The following RBFOX1 variants were observed in gnomAD, a reference collection of about 807,000 sequenced individuals.
The protein encoded by RBFOX1 is RNA binding protein fox-1 homolog 1.
Under a neutral mutation model 57.7 loss-of-function variants are expected in RBFOX1, and 8 were observed. The observed-to-expected ratio is 0.14, with a 90% CI of 0.08 to 0.25. The LOEUF is 0.25. Among genes scored for constraint, RBFOX1 ranks in the 10% least tolerant of loss-of-function variants. The probability of loss-of-function intolerance (pLI) is 1.00; values close to 1 mark genes in which losing one functional copy is unlikely to be tolerated. For missense variants in RBFOX1, 611 were observed against 548.5 expected, an observed-to-expected ratio of 1.11 and a Z score of -1.14; for synonymous variants, 326 against 222.4, an observed-to-expected ratio of 1.47 and a Z score of -4.15.
At chr16:5,241,015 T>TA (rs900079549) in intron 1 of RBFOX1, among the ~76,000 whole-genome samples, 8 of 152,230 alleles carry the variant, frequency 5.3e-5, no homozygotes, top group African/African-American at 9.6e-5. Flanking sequence ...CAAATGTTTT[T>TA]ATGTTTGACC....
At chr16:6,743,145 C>A (rs1317107562) in intron 3 of RBFOX1, among the ~76,000 whole-genome samples, 2 of 152,094 alleles carry the variant, frequency 1.3e-5, no homozygotes, top group Non-Finnish European at 2.9e-5. Context: ...TATAGTGTTA[C>A]TGTAAACCCT....
At position 5,335,861 on chromosome 16, in the gene RBFOX1, C is replaced by G. The variant is rs535597033; in HGVS notation, c.219+95756C>G. Among the ~76,000 whole-genome samples, 9 of 152,218 alleles carry G rather than the reference C, an allele frequency of 5.9e-5. No homozygotes were observed. In the South Asian group the frequency reaches 6.2e-4, roughly 11 times the overall value. ...AAAAGATGTTCTCAGACTGCCGACT[C>G]TTTGGGGGTGGTGATCATGGTGATG... On this transcript the variant is annotated intron_variant, in intron 1 of 2. Coordinates refer to the RBFOX1 transcript ENST00000585867.
intron 10 of RBFOX1, among the ~76,000 whole-genome samples, chr16:7,616,436 G>A (rs932348796): frequency 2.0e-5 from 3 of 152,238 alleles, no homozygotes; most frequent in African/African-American, 7.2e-5. Context: ...CTGCATGACT[G>A]ACCAACTCTC....
chr16:6,729,302 T>C (rs1389594609), intron 3 of RBFOX1, among the ~76,000 whole-genome samples: 1 of 152,158 alleles, frequency 6.6e-6, no homozygotes, highest in Non-Finnish European at 1.5e-5. Context: ...GTTTAGAAGC[T>C]CCTCAGTTGA....
intron 5 of RBFOX1, among the ~76,000 whole-genome samples, chr16:7,569,772 G>T (rs530120143): frequency 5.6e-4 from 85 of 152,236 alleles, no homozygotes; most frequent in Non-Finnish European, 1.1e-3. Flanking sequence ...GGAGACCAAG[G>T]CAGAAGGATA....
At chr16:5,863,828 G>C (rs2057283614) in intron 3 of RBFOX1, among the ~76,000 whole-genome samples, 2 of 152,314 alleles carry the variant, frequency 1.3e-5, no homozygotes, top group South Asian at 4.1e-4. Flanking sequence ...ATGTTTGAGA[G>C]AGTTCTTTTT....
chr16:7,242,671 C>T (rs754661803), intron 4 of RBFOX1, among the ~76,000 whole-genome samples: 38 of 152,312 alleles, frequency 2.5e-4, no homozygotes, highest in South Asian at 1.0e-3. Context: ...ATCCGTGCTT[C>T]GTGATTTGCA....
intron 1 of RBFOX1, among the ~76,000 whole-genome samples, chr16:6,118,729 C>G (rs1203561801): frequency 1.3e-5 from 2 of 149,026 alleles, no homozygotes; most frequent in South Asian, 2.1e-4. Context: ...CTCTTTCTCT[C>G]TCTCTCTCTG....
intron 4 of RBFOX1, chr16:7,304,323 C>A: frequency 1.0e-6 from 1 of 985,074 alleles, no homozygotes; most frequent in African/African-American, 1.7e-5. Flanking sequence ...AGCGCCCAGG[C>A]AGAGAGCAAC....
intron 3 of RBFOX1, among the ~76,000 whole-genome samples, chr16:5,833,106 G>A (rs1044729226): frequency 1.5e-4 from 23 of 152,156 alleles, no homozygotes; most frequent in African/African-American, 5.6e-4. Flanking sequence ...GTCTGGGTAA[G>A]AACCCCATAC....
rs2093378590 is a variant in RBFOX1, at chr16:7,576,866, A to G, written c.271-2911A>G. 2.0e-5 allele frequency among the ~76,000 whole-genome samples: 3 copies of G among 152,304 alleles called. No individual in the cohort carries two copies. The South Asian group carries it at 6.2e-4, about 32-fold the overall frequency. On this transcript the variant is annotated intron_variant, in intron 5 of 15. Transcript: ENST00000550418. ...AAACGGGAACTTCTAACAGGATGGAAGAGAATGGACTGGAAGCTTAGGGTT... is the reference window on the plus strand; with the variant it reads ...AAACGGGAACTTCTAACAGGATGGAGGAGAATGGACTGGAAGCTTAGGGTT...
chr16:5,744,586 T>C (rs1452364606), intron 3 of RBFOX1, among the ~76,000 whole-genome samples: 1 of 152,156 alleles, frequency 6.6e-6, no homozygotes, highest in Non-Finnish European at 1.5e-5. Flanking sequence ...TGGCACACAA[T>C]GTAAATCAGG....
intron 2 of RBFOX1, among the ~76,000 whole-genome samples, chr16:6,645,082 C>G: frequency 6.6e-6 from 1 of 152,196 alleles, no homozygotes. Flanking sequence ...TTTGCCTCTT[C>G]CAGTGTCTGG....
intron 2 of RBFOX1, among the ~76,000 whole-genome samples, chr16:6,335,776 CA>C (rs57151962): frequency 3.7e-3 from 187 of 50,886 alleles, no homozygotes; most frequent in African/African-American, 5.7e-3. Context: ...AGACTGTCTC[CA>C]AAAAAAAAAA....
At chr16:5,326,429 G>T (rs552315769) in intron 1 of RBFOX1, among the ~76,000 whole-genome samples, 1 of 152,284 alleles carries the variant, frequency 6.6e-6, no homozygotes, top group East Asian at 1.9e-4. Context: ...ACTTGAGGCT[G>T]GGGAGAGTTC....
intron 3 of RBFOX1, among the ~76,000 whole-genome samples, chr16:5,744,559 A>AT (rs764746376): frequency 2.0e-5 from 3 of 152,150 alleles, no homozygotes; most frequent in African/African-American, 7.2e-5. Context: ...AAATTGGAGT[A>AT]TTTACAACAC....
intron 3 of RBFOX1, among the ~76,000 whole-genome samples, chr16:7,047,640 TTTATCC>T (rs1022126147): frequency 4.0e-5 from 6 of 150,904 alleles, no homozygotes; most frequent in African/African-American, 1.5e-4. Flanking sequence ...CAGTGAACTC[TTTATCC>T]TTATATTCTA....
chr16:6,319,444 T>C (rs2081500105), intron 2 of RBFOX1, among the ~76,000 whole-genome samples: 1 of 152,174 alleles, frequency 6.6e-6, no homozygotes, highest in Non-Finnish European at 1.5e-5. Flanking sequence ...GATATAATGA[T>C]GGTCGAACAG....
At chr16:5,590,322 G>T (rs1242246484) in intron 2 of RBFOX1, among the ~76,000 whole-genome samples, 2 of 152,186 alleles carry the variant, frequency 1.3e-5, no homozygotes, top group Non-Finnish European at 2.9e-5. Context: ...TAACATCTGG[G>T]AATAGGGAGG....
Sources: gnomAD v4.1 joint callset for allele counts (sites outside exome capture counted in the v4.1 genomes callset) on GRCh38, gnomAD v4.1.1 for gene constraint, MANE v1.5 for transcripts, NCBI Gene and HGNC (gene_info 2026-07-23, HGNC 2026-07-21) for gene names.